The following TNFRSF8 variants were observed in gnomAD, a reference collection of about 807,000 sequenced individuals.
TNFRSF8 encodes tumor necrosis factor receptor superfamily member 8.
Under a neutral mutation model 70.8 loss-of-function variants are expected in TNFRSF8, and 26 were observed. The observed-to-expected ratio is 0.37, with a 90% confidence interval of 0.27 to 0.51. TNFRSF8 has a LOEUF of 0.51. TNFRSF8 is among the 20% of genes least tolerant of loss of function. The probability of loss-of-function intolerance (pLI) is 0.94; values close to 1 mark genes in which losing one functional copy is unlikely to be tolerated. For synonymous variants in TNFRSF8, 356 were observed against 339.2 expected (o/e 1.05, Z -0.54); for missense variants, 720 against 807.9 (o/e 0.89, Z 1.32).
chr1:12,137,540 GTTTTTTTGTTTTTTTTTGTTT>G (rs1252903565), intron 13 of TNFRSF8, among the ~76,000 whole-genome samples: 9 of 131,244 alleles, frequency 6.9e-5, no homozygotes, highest in African/African-American at 8.8e-5. Context: ...TGACATAGCT[GTTTTTTTGTTTTTTTTTGTTT>G]TTTTTTTGTT....
chr1:12,097,132 G>T lies in TNFRSF8; in HGVS notation c.183G>T (p.Arg61Ser). 6.2e-7 allele frequency: 1 copy of T among 1,614,058 alleles called. No individual in the cohort carries two copies. The highest frequency in any genetic ancestry group is 8.5e-7 in the Non-Finnish European group (1 of 1,179,960). The change falls in exon 3 of 15, where the codon AGG (arginine) becomes AGT (serine). Residue 61 changes from arginine to serine, a missense_variant. Physicochemically the swap from Arg to Ser is moderately radical, Grantham distance 110. Transcript: ENST00000263932. ...TCCCGACACAGCAGTGCCCACAGAG[G>T]CCTACTGACTGCAGGAAGCAGTGTG... is the stretch of plus-strand genomic sequence containing the variant. ...GLFPTQQCPQ[R>S]PTDCRKQCEP...
chr1:12,111,910 C>A lies in TNFRSF8; in HGVS notation c.689C>A (p.Thr230Lys). The A allele has an allele frequency of 6.2e-7, 1 of 1,614,212 alleles. No homozygotes were observed. The highest frequency in any genetic ancestry group is 8.5e-7 in the Non-Finnish European group (1 of 1,180,018). The stretch of plus-strand genomic sequence containing the variant: ...CTTCTTTCCCCAGGTCTGTCCCCAA[C>A]ACAGCCATGCCCAGAGGGGTCTGGT... ...RPSSDPGLSP[T>K]QPCPEGSGDC... The change falls in exon 7 of 15, where the codon ACA becomes AAA. Residue 230 changes from threonine (T) to lysine (K), a missense_variant. Thr to Lys is a moderately conservative substitution (Grantham distance 78). Transcript: ENST00000263932.
intron 1 of TNFRSF8, among the ~76,000 whole-genome samples, chr1:12,078,799 CT>C (rs1264190944): frequency 6.6e-6 from 1 of 152,238 alleles, no homozygotes; most frequent in East Asian, 1.9e-4. Context: ...ATTAGAATTA[CT>C]TTCGCTATGG....
intron 1 of TNFRSF8, among the ~76,000 whole-genome samples, chr1:12,078,959 C>T (rs1034064226): frequency 4.5e-4 from 68 of 152,192 alleles, no homozygotes; most frequent in African/African-American, 1.4e-3. Context: ...AAGGTGGTGC[C>T]CCTGCTGCTG....
At chr1:12,083,422 C>T (rs181630464) in intron 1 of TNFRSF8, among the ~76,000 whole-genome samples, 369 of 152,344 alleles carry the variant, frequency 2.4e-3, no homozygotes, top group Non-Finnish European at 3.8e-3. Flanking sequence ...GGAGTGGTGG[C>T]TCATACCTGT....
intron 1 of TNFRSF8, among the ~76,000 whole-genome samples, chr1:12,075,858 C>T (rs1197821073): frequency 1.3e-5 from 2 of 152,202 alleles, no homozygotes; most frequent in Admixed American, 6.5e-5. Flanking sequence ...CCACAAATGA[C>T]ACCTCCAACC....
At chr1:12,072,577 TTGGGGCGAGCC>T (rs1190264636) in intron 1 of TNFRSF8, among the ~76,000 whole-genome samples, 1 of 152,076 alleles carries the variant, frequency 6.6e-6, no homozygotes, top group Non-Finnish European at 1.5e-5. Flanking sequence ...GTGCTGGTGG[TTGGGGCGAGCC>T]TGGGGCCTGC....
intron 8 of TNFRSF8, among the ~76,000 whole-genome samples, chr1:12,121,774 A>T (rs146189733): frequency 2.0e-5 from 3 of 152,224 alleles, no homozygotes; most frequent in Non-Finnish European, 4.4e-5. Flanking sequence ...AGAGGCACGC[A>T]CAAGAATACT....
intron 1 of TNFRSF8, among the ~76,000 whole-genome samples, chr1:12,069,424 C>A (rs74545557): frequency 0.011 from 1,656 of 152,162 alleles, 30 homozygotes; most frequent in African/African-American, 0.038. Flanking sequence ...GACGAGCCCC[C>A]CCGCCTCAGC....
In TNFRSF8 at chr1:12,084,468, G is replaced by T; in HGVS notation, c.68G>T (p.Arg23Leu). ...CCAGCTTTTCTGACCTGCCAGGATC[G>T]ACCCTTCGAGGACACCTGTCATGGA... ...LGALRAFPQD[R>L]PFEDTCHGNP... The change falls in exon 2 of 15, where the codon CGA becomes CTA. Residue 23 changes from arginine (R) to leucine (L), a missense_variant. Coordinates refer to ENST00000263932, the MANE Select transcript of TNFRSF8 (RefSeq NM_001243.5). 1.2e-6 allele frequency: 2 copies of T among 1,613,938 alleles called. No individual in the cohort carries two copies. Among genetic ancestry groups the T allele is most frequent in the Non-Finnish European group, 1.7e-6 (2 of 1,179,946 alleles).
chr1:12,139,465 T>C (rs1337114242), intron 14 of TNFRSF8, among the ~76,000 whole-genome samples: 1 of 152,184 alleles, frequency 6.6e-6, no homozygotes, highest in South Asian at 2.1e-4. Context: ...CAGGAAGCCT[T>C]CTGTGCCCTC....
intron 12 of TNFRSF8, among the ~76,000 whole-genome samples, chr1:12,133,242 C>T (rs1471040416): frequency 6.6e-6 from 1 of 152,044 alleles, no homozygotes; most frequent in East Asian, 1.9e-4. Context: ...AGGGTATGGG[C>T]AGCTCTGCGA....
chr1:12,091,901 A>C (rs1641253830), intron 2 of TNFRSF8, among the ~76,000 whole-genome samples: 2 of 152,204 alleles, frequency 1.3e-5, no homozygotes, highest in African/African-American at 4.8e-5. Flanking sequence ...TTGCACGTGC[A>C]GTTCACAATA....
At chr1:12,083,270 G>A (rs1641096992) in intron 1 of TNFRSF8, among the ~76,000 whole-genome samples, 1 of 152,188 alleles carries the variant, frequency 6.6e-6, no homozygotes, top group South Asian at 2.1e-4. Context: ...AACTGAACAT[G>A]CCTTATGCCC....
At position 12,138,208 on chromosome 1, in the gene TNFRSF8, G is replaced by A. The variant is rs748117126; in HGVS notation, c.1336-21G>A. The A allele has an allele frequency of 1.4e-5, 23 of 1,610,810 alleles. No individual in the cohort carries two copies. In the South Asian group the frequency reaches 2.1e-4, roughly 15 times the overall value. ...GGGAGGTTGGGGGTACCCTGCAGCA[G>A]CACCCATTCCCGTCCCACAGCAGCT... On this transcript the variant is annotated intron_variant, in intron 13 of 14. Transcript: ENST00000263932. The surrounding 1 kb of genome is among the most constrained non-coding windows in gnomAD (Gnocchi z 5.7).
chr1:12,104,506 G>A lies in TNFRSF8; in HGVS notation c.396G>A (p.Pro132=), dbSNP rs778414727. The part of the protein sequence containing the change: ...CARCFFHSVC[P]AGMIVKFPGT... The stretch of plus-strand genomic sequence containing the variant: ...GCTGCTTCTTCCATTCTGTCTGTCC[G>A]GCAGGGATGATTGTCAAGTTCCCAG... The change falls in exon 4 of 15, where the codon CCG becomes CCA. Residue 132 remains proline (P), a synonymous_variant. Transcript: ENST00000263932. 8.0e-5 allele frequency: 129 copies of A among 1,614,016 alleles called. No homozygotes were observed. Among genetic ancestry groups the A allele is most frequent in the African/African-American group, 2.9e-4 (22 of 74,894 alleles).
intron 12 of TNFRSF8, among the ~76,000 whole-genome samples, chr1:12,134,875 G>A (rs1409554990): frequency 2.0e-5 from 3 of 152,158 alleles, no homozygotes; most frequent in Non-Finnish European, 4.4e-5. Flanking sequence ...AGTAAGGTGG[G>A]CGCAGCAGCC....
chr1:12,093,221 G>C (rs986573471), intron 2 of TNFRSF8, among the ~76,000 whole-genome samples: 1 of 152,144 alleles, frequency 6.6e-6, no homozygotes, highest in African/African-American at 2.4e-5. Context: ...CACATCCTGA[G>C]GTACTGGGGG....
At chr1:12,093,075 G>A (rs553727558) in intron 2 of TNFRSF8, among the ~76,000 whole-genome samples, 7 of 152,214 alleles carry the variant, frequency 4.6e-5, no homozygotes, top group Admixed American at 1.3e-4. Context: ...CAAAATGCTG[G>A]GATTGCAAGC....
Sources: gnomAD v4.1 joint callset for allele counts (sites outside exome capture counted in the v4.1 genomes callset) on GRCh38, gnomAD v4.1.1 for gene constraint, Gnocchi (gnomAD v3.1) non-coding constraint, MANE v1.5 for transcripts, NCBI Gene and HGNC (gene_info 2026-07-23, HGNC 2026-07-21) for gene names.